OR51B5: variants seen among roughly 807,000 people sequenced by gnomAD.
OR51B5 encodes olfactory receptor 51B5.
For missense variants in OR51B5, 456 were observed against 374.6 expected (o/e 1.22, Z -1.79); for synonymous variants, 186 against 144.8 (o/e 1.28, Z -2.04).
intron 1 of OR51B5, among the ~76,000 whole-genome samples, chr11:5,479,058 A>G (rs1434618186): frequency 7.9e-5 from 12 of 151,888 alleles, no homozygotes; most frequent in East Asian, 3.9e-4. Context: ...ACACATAATT[A>G]TCAGATTCAC....
At chr11:5,485,348 G>C (rs909382325) in intron 1 of OR51B5, among the ~76,000 whole-genome samples, 3 of 152,176 alleles carry the variant, frequency 2.0e-5, no homozygotes, top group Non-Finnish European at 2.9e-5. Context: ...ATAATAGTGA[G>C]AGCTCTAGAA....
At chr11:5,480,651 T>C (rs1590021151) in intron 1 of OR51B5, among the ~76,000 whole-genome samples, 1 of 151,000 alleles carries the variant, frequency 6.6e-6, no homozygotes, top group South Asian at 2.1e-4. Flanking sequence ...ATCAAATAGA[T>C]GCAATAAAAA....
At chr11:5,447,433 A>G (rs1364282311) in intron 1 of OR51B5, among the ~76,000 whole-genome samples, 2 of 152,152 alleles carry the variant, frequency 1.3e-5, no homozygotes, top group Admixed American at 6.5e-5. Context: ...TTTCCAGTCT[A>G]TAGGTGGTAG....
chr11:5,403,115 G>T (rs552618674), intron 1 of OR51B5: 17 of 471,498 alleles, frequency 3.6e-5, no homozygotes, highest in Non-Finnish European at 6.6e-5. Flanking sequence ...CCCTTCTGTG[G>T]CCACAATGCC....
chr11:5,496,889 T>C (rs1186376055), intron 1 of OR51B5, among the ~76,000 whole-genome samples: 1 of 152,172 alleles, frequency 6.6e-6, no homozygotes, highest in Non-Finnish European at 1.5e-5. Flanking sequence ...ATGGTCCTCC[T>C]CCCGAGGATA....
rs1048774687 is a variant in OR51B5 at position 5,365,873 on chromosome 11, A to G, written n.85-18963T>C. Among the ~76,000 whole-genome samples the G allele has an allele frequency of 3.3e-5, 5 of 152,188 alleles. No homozygotes were observed. The South Asian group carries it at 8.3e-4, about 25-fold the overall frequency. On this transcript the variant is annotated intron_variant and non_coding_transcript_variant, in intron 1 of 4. Transcript: ENST00000415970. ...GAAGTTTAAGTTGCTAACCATTCTT[A>G]GAGGAACTCTGCTTACCTCTTGGGT...
intron 1 of OR51B5, among the ~76,000 whole-genome samples, chr11:5,452,504 CAAAAAAAAAAAAAAAAAAA>C (rs56677841): frequency 0.018 from 1,266 of 69,088 alleles, 19 homozygotes; most frequent in Middle Eastern, 0.032. Flanking sequence ...GACTCTGTCT[CAAAAAAAAAAAAAAAAAAA>C]AAAAAAAAAA....
At chr11:5,416,631 T>C (rs1221621454) in intron 1 of OR51B5, among the ~76,000 whole-genome samples, 2 of 148,094 alleles carry the variant, frequency 1.4e-5, no homozygotes, top group Non-Finnish European at 3.0e-5. Flanking sequence ...TATACACCAA[T>C]AATAGACAAA....
At chr11:5,477,356 G>C (rs1287807099) in intron 1 of OR51B5, among the ~76,000 whole-genome samples, 1 of 152,126 alleles carries the variant, frequency 6.6e-6, no homozygotes, top group Non-Finnish European at 1.5e-5. Context: ...GGGAACCAGT[G>C]GGCACCACAA....
chr11:5,357,524 A>G (rs1275485227), intron 1 of OR51B5, among the ~76,000 whole-genome samples: 7 of 152,194 alleles, frequency 4.6e-5, no homozygotes, highest in Admixed American at 2.6e-4. Context: ...CACAATAACA[A>G]TGGGAGACTT....
intron 1 of OR51B5, among the ~76,000 whole-genome samples, chr11:5,449,056 G>C: frequency 6.6e-6 from 1 of 152,214 alleles, no homozygotes; most frequent in East Asian, 1.9e-4. Context: ...GAATCTCTTA[G>C]GAGGTAATGA....
At chr11:5,410,316 G>C (rs1286052673) in intron 1 of OR51B5, among the ~76,000 whole-genome samples, 2 of 152,102 alleles carry the variant, frequency 1.3e-5, no homozygotes, top group Non-Finnish European at 2.9e-5. Flanking sequence ...CAAAAAGAAA[G>C]AGATATCATT....
chr11:5,454,323 G>A (rs373990140), intron 1 of OR51B5: 46 of 1,614,138 alleles, frequency 2.8e-5, no homozygotes, highest in Non-Finnish European at 3.7e-5. Flanking sequence ...CATGTCAAAT[G>A]TGTACCTATT....
chr11:5,441,231 G>C lies in OR51B5; in HGVS notation n.84+64338C>G, dbSNP rs115148889. 3.0e-5 allele frequency: 48 copies of C among 1,613,952 alleles called. No homozygotes were observed. The African/African-American group carries it at 5.7e-4, about 19-fold the overall frequency. On this transcript the variant is annotated intron_variant and non_coding_transcript_variant, in intron 1 of 4. Coordinates refer to the OR51B5 transcript ENST00000415970. ...CATCTGGACCAGGCAAGCATTAAAC[G>C]CAACATGGTTGTAGTTGAAGCAGAA... is the stretch of plus-strand genomic sequence containing the variant.
In OR51B5 at chr11:5,454,389, C is replaced by T. The variant is rs552242202; in HGVS notation, n.84+51180G>A. On this transcript the variant is annotated intron_variant and non_coding_transcript_variant, in intron 1 of 4. Coordinates refer to the OR51B5 transcript ENST00000415970. ...TAGCGCCAAGACAAAGGAAATCCGC[C>T]GAGCCATTTTCCGCATGTTTCACCA... 5.6e-5 allele frequency: 90 copies of T among 1,610,454 alleles called. 1 individual carries two copies. The highest frequency in any genetic ancestry group is 7.0e-5 in the Non-Finnish European group (82 of 1,179,782).
At chr11:5,400,299 C>A (rs538143451) in intron 1 of OR51B5, among the ~76,000 whole-genome samples, 34 of 152,158 alleles carry the variant, frequency 2.2e-4, no homozygotes, top group African/African-American at 8.0e-4. Flanking sequence ...TAATTTTTTT[C>A]TTTCCATATT....
intron 1 of OR51B5, among the ~76,000 whole-genome samples, chr11:5,388,348 G>A (rs1456421241): frequency 6.6e-6 from 1 of 151,630 alleles, no homozygotes; most frequent in Non-Finnish European, 1.5e-5. Context: ...TTAGTGCATA[G>A]TGAACTACAG....
intron 1 of OR51B5, among the ~76,000 whole-genome samples, chr11:5,446,807 T>A (rs150615271): frequency 6.6e-4 from 100 of 152,260 alleles, no homozygotes; most frequent in Non-Finnish European, 5.9e-4. Context: ...TATAATAGAG[T>A]GTGATCACTG....
intron 1 of OR51B5, among the ~76,000 whole-genome samples, chr11:5,503,982 C>G (rs1846334988): frequency 6.8e-6 from 1 of 146,628 alleles, no homozygotes; most frequent in Non-Finnish European, 1.5e-5. Flanking sequence ...CAGCTGCCCT[C>G]ATCCATAAAC....
Sources: gnomAD v4.1 joint callset for allele counts (sites outside exome capture counted in the v4.1 genomes callset) on GRCh38, gnomAD v4.1.1 for gene constraint, MANE v1.5 for transcripts, NCBI Gene and HGNC (gene_info 2026-07-23, HGNC 2026-07-21) for gene names.